Variants in PICK1 observed in about 807,000 individuals in gnomAD.
The protein encoded by PICK1 is protein interacting with PRKCA 1, also known as PRKCA-binding protein.
A neutral mutation model predicts 48.9 loss-of-function variants in PICK1; 23 were observed. The ratio of observed to expected loss-of-function variants is 0.47; its 90% CI spans 0.34 to 0.67. The LOEUF (loss-of-function observed/expected upper bound fraction) is 0.67. Ranked by LOEUF, PICK1 falls within the 30% of genes least tolerant of loss-of-function variation. The pLI is 0.01. For synonymous variants in PICK1, 217 were observed against 228.2 expected (o/e 0.95, Z 0.44); for missense variants, 423 against 557.1 (o/e 0.76, Z 2.42).
rs1569202860 is a variant in PICK1, at chr22:38,071,665, CTCGG to C, written c.494-14_494-11del. ...CGCCATGCGTCCCCATTCCGCATCA[CTCGG>C]TCTCTCCCACAGGGATGACGGAACA... On this transcript the variant is annotated splice_polypyrimidine_tract_variant and intron_variant, in intron 7 of 12. Transcript: ENST00000356976. The C allele has an allele frequency of 6.2e-7, 1 of 1,612,386 alleles. No individual in the cohort carries two copies. Among genetic ancestry groups the C allele is most frequent in the Admixed American group, 1.7e-5 (1 of 60,032 alleles).
chr22:38,057,941 T>C (rs2085310237), intron 2 of PICK1, 91 bp downstream of exon 2: 3 of 1,037,812 alleles, frequency 2.9e-6, no homozygotes, highest in African/African-American at 3.1e-5. Context: ...CCCTTGCTTC[T>C]CAGCGGTGGA....
At chr22:38,057,259 T>C (rs1338795425), upstream of PICK1, 3 of 177,816 alleles carry the variant, frequency 1.7e-5, no homozygotes, top group Non-Finnish European at 3.7e-5. Flanking sequence ...TTGTTCCTAC[T>C]AACAGCGAGC....
Position 38,057,498 on chromosome 22 carries a change from C to T in PICK1, c.-147C>T. ...TGGGACCAACGCTTCCGGTGAGCGACAGAGGCAGCTCCCCAGGGCCTGGAG... is the reference window on the plus strand; with the variant it reads ...TGGGACCAACGCTTCCGGTGAGCGATAGAGGCAGCTCCCCAGGGCCTGGAG... On this transcript the variant is annotated 5_prime_UTR_variant, in exon 1 of 13. Transcript: ENST00000356976. The T allele has an allele frequency of 2.4e-6, 1 of 408,450 alleles. No homozygotes were observed. Among genetic ancestry groups the T allele is most frequent in the Admixed American group, 3.7e-5 (1 of 26,912 alleles). The allele number at this position is 408,450 out of a possible 1,614,324, so 25.3% of individuals were successfully genotyped here.
At chr22:38,072,916 C>A in intron 9 of PICK1, 84 bp from the exon 10 acceptor site, 1 of 946,556 alleles carries the variant, frequency 1.1e-6, no homozygotes, top group Non-Finnish European at 1.8e-6. Context: ...AGTCCACCAA[C>A]AAGGGTGACG....
intron 6 of PICK1, 27 bp downstream of exon 6, chr22:38,069,149 C>G: frequency 6.5e-7 from 1 of 1,537,960 alleles, no homozygotes; most frequent in Non-Finnish European, 8.9e-7. Context: ...CCAGCTGGGG[C>G]CCCGGGGACT....
Position 38,075,189 on chromosome 22 carries a change from CG to C in PICK1, c.*61del. The C allele has an allele frequency of 6.5e-7, 1 of 1,538,354 alleles. No individual in the cohort carries two copies. ...TGCGTGGGAGGACGGAGCCTGGGAGCGGGGCGGGGCCGCCGCGCAAGGGGGC... is the reference window on the plus strand; with the variant it reads ...TGCGTGGGAGGACGGAGCCTGGGAGCGGGCGGGGCCGCCGCGCAAGGGGGC... On this transcript the variant is annotated 3_prime_UTR_variant, in exon 13 of 13. Transcript: ENST00000356976.
At position 38,060,805 on chromosome 22, in the gene PICK1, G is replaced by C. The variant is rs143726528; in HGVS notation, c.153+1460G>C. Among the ~76,000 whole-genome samples the C allele has an allele frequency of 8.7e-3, 1,303 of 150,044 alleles. 18 individuals carry two copies. The highest frequency in any genetic ancestry group is 0.03 in the African/African-American group (1,235 of 40,608). On this transcript the variant is annotated intron_variant, in intron 3 of 12. Transcript: ENST00000356976. ...ACTGTGTTGCCCAGGCTGGAGTGCA[G>C]TGGCGTGATCTCAGCTCACTGCAAC...
rs111975858 is a variant in PICK1 at position 38,074,380 on chromosome 22, A to C, written c.908A>C (p.Glu303Ala). ...CGCCTGATCCTGCGCTGCCGCCAGG[A>C]GGCGCGCGCCCGCTTCTCCCAGATG... ...EYRLILRCRQ[E>A]ARARFSQMRK... Residue 303 changes from glutamate (E) to alanine (A), a missense_variant, in exon 12 of 13, where the codon GAG becomes GCG. Coordinates refer to ENST00000356976, the MANE Select transcript of PICK1 (RefSeq NM_012407.4). The surrounding 1 kb of genome is among the most constrained non-coding windows in gnomAD (Gnocchi z 4.5). The C allele has an allele frequency of 6.2e-7, 1 of 1,612,596 alleles. No individual in the cohort carries two copies. The highest frequency in any genetic ancestry group is 8.5e-7 in the Non-Finnish European group (1 of 1,179,874).
At chr22:38,071,321 G>A (rs2085684761) in intron 7 of PICK1, among the ~76,000 whole-genome samples, 1 of 152,116 alleles carries the variant, frequency 6.6e-6, no homozygotes, top group South Asian at 2.1e-4. Flanking sequence ...TCTAGTCTGG[G>A]CAATAGAGCA....
At chr22:38,072,304 G>A (rs2085717228) in intron 8 of PICK1, among the ~76,000 whole-genome samples, 173 bp from the exon 9 acceptor site, 1 of 152,170 alleles carries the variant, frequency 6.6e-6, no homozygotes, top group African/African-American at 2.4e-5. Context: ...TTTCCTCCAG[G>A]TGTAGACTCA....
intron 4 of PICK1, among the ~76,000 whole-genome samples, chr22:38,065,653 C>T (rs575752787): frequency 6.6e-6 from 1 of 152,234 alleles, no homozygotes; most frequent in South Asian, 2.1e-4. Context: ...TGATCTTCTG[C>T]TCTACAGACC....
rs1344462370 is a variant in PICK1, at chr22:38,066,574, A to G, written c.283-1130A>G. Among the ~76,000 whole-genome samples the G allele has an allele frequency of 6.6e-6, 1 of 152,054 alleles. No individual in the cohort carries two copies. Among genetic ancestry groups the G allele is most frequent in the Non-Finnish European group, 1.5e-5 (1 of 68,010 alleles). On this transcript the variant is annotated intron_variant, in intron 4 of 12. Coordinates refer to ENST00000356976, the MANE Select transcript of PICK1 (RefSeq NM_012407.4). The surrounding 1 kb of genome is among the most constrained non-coding windows in gnomAD (Gnocchi z 4.1). ...TGACCTGCTTGTGGTCACACAGCTG[A>G]ACTGGAGCCCGGGCCCGACTCCCAC... is the stretch of plus-strand genomic sequence containing the variant.
At position 38,057,794 on chromosome 22, in the gene PICK1, T is replaced by C; in HGVS notation, c.-16T>C. ...CGAGCTGGGCAGTTAGCCAGCCCAC[T>C]CCAACTCTCGGAACCATGTTTGCAG... On this transcript the variant is annotated 5_prime_UTR_variant, in exon 2 of 13. Coordinates refer to ENST00000356976, the MANE Select transcript of PICK1 (RefSeq NM_012407.4). 6.2e-7 allele frequency: 1 copy of C among 1,613,262 alleles called. No homozygotes were observed. Among genetic ancestry groups the C allele is most frequent in the Non-Finnish European group, 8.5e-7 (1 of 1,179,170 alleles).
intron 4 of PICK1, among the ~76,000 whole-genome samples, chr22:38,065,780 C>T (rs1434373165): frequency 1.3e-5 from 2 of 152,276 alleles, no homozygotes; most frequent in South Asian, 2.1e-4. Flanking sequence ...CATTTCCTAG[C>T]GAAGTGGCTG....
At chr22:38,062,713 G>A (rs182895823) in intron 3 of PICK1, among the ~76,000 whole-genome samples, 121 of 152,254 alleles carry the variant, frequency 7.9e-4, no homozygotes, top group Non-Finnish European at 1.5e-3. Flanking sequence ...GAAAGGGCAC[G>A]TGGGATGTCA....
chr22:38,069,871 G>T (rs1240676508), intron 6 of PICK1, among the ~76,000 whole-genome samples: 1 of 152,216 alleles, frequency 6.6e-6, no homozygotes, highest in East Asian at 1.9e-4. Flanking sequence ...ACTGGTTGTT[G>T]TGTTTTTCCC....
intron 3 of PICK1, among the ~76,000 whole-genome samples, chr22:38,061,472 C>T (rs2085401285): frequency 6.6e-6 from 1 of 152,026 alleles, no homozygotes; most frequent in Non-Finnish European, 1.5e-5. Flanking sequence ...AATAGCAATC[C>T]ACTGCCCTTC....
intron 5 of PICK1, among the ~76,000 whole-genome samples, chr22:38,068,809 C>T (rs553976193): frequency 8.5e-5 from 13 of 152,278 alleles, no homozygotes; most frequent in African/African-American, 2.9e-4. Flanking sequence ...AGGCCCTGGG[C>T]GAAGCGCTTC....
At chr22:38,068,677 T>C (rs1377140804) in intron 5 of PICK1, among the ~76,000 whole-genome samples, 3 of 152,182 alleles carry the variant, frequency 2.0e-5, no homozygotes, top group Non-Finnish European at 4.4e-5. Flanking sequence ...CTCCCCTTTA[T>C]GTGACACCCT....
Sources: allele counts gnomAD v4.1 joint callset (sites outside exome capture counted in the v4.1 genomes callset), GRCh38; gene constraint gnomAD v4.1.1; non-coding constraint Gnocchi (gnomAD v3.1); transcripts MANE v1.5; gene names NCBI Gene and HGNC (gene_info 2026-07-23, HGNC 2026-07-21).